Variants in DCTN6 observed in about 807,000 individuals in gnomAD.
DCTN6 encodes the protein dynactin subunit 6.
In DCTN6, 15 loss-of-function variants were observed where a neutral mutation model predicts 25.8. The ratio of observed to expected loss-of-function variants is 0.58; its 90% CI spans 0.39 to 0.89. DCTN6 has a LOEUF of 0.89. Ranked by LOEUF, DCTN6 falls within the 40% of genes least tolerant of loss-of-function variation. The pLI is 0.00. For synonymous variants in DCTN6, 64 were observed against 78.3 expected (o/e 0.82, Z 0.96); for missense variants, 198 against 237.6 (o/e 0.83, Z 1.09).
chr8:30,173,312 G>GTA (rs1428242113), intron 2 of DCTN6, among the ~76,000 whole-genome samples: 1 of 152,152 alleles, frequency 6.6e-6, no homozygotes, highest in Non-Finnish European at 1.5e-5. Context: ...GTGAATGAGT[G>GTA]TATATTAAGC....
At chr8:30,177,068 A>G in intron 3 of DCTN6, 58 bp from the exon 4 acceptor site, 1 of 1,407,900 alleles carries the variant, frequency 7.1e-7, no homozygotes, top group Non-Finnish European at 9.9e-7. Context: ...CGAAAATGGG[A>G]AGAAAATTGC....
intron 2 of DCTN6, among the ~76,000 whole-genome samples, chr8:30,172,337 A>G (rs1803774081): frequency 6.6e-6 from 1 of 152,206 alleles, no homozygotes; most frequent in Non-Finnish European, 1.5e-5. Flanking sequence ...ATTGCAGAAG[A>G]AGGTAATATT....
intron 1 of DCTN6, among the ~76,000 whole-genome samples, chr8:30,163,437 C>A (rs1214922971): frequency 6.6e-6 from 1 of 151,956 alleles, no homozygotes; most frequent in Non-Finnish European, 1.5e-5. Flanking sequence ...AAAATCTTGA[C>A]AAGAGATTAT....
At chr8:30,159,017 AG>A (rs1243494739) in intron 1 of DCTN6, among the ~76,000 whole-genome samples, 1 of 152,024 alleles carries the variant, frequency 6.6e-6, no homozygotes, top group East Asian at 1.9e-4. Flanking sequence ...CCTGACCTCA[AG>A]GAATCTGCCC....
chr8:30,165,455 A>AC (rs112907115), intron 2 of DCTN6, among the ~76,000 whole-genome samples: 1,915 of 150,458 alleles, frequency 0.013, 36 homozygotes, highest in East Asian at 0.05. Context: ...AAAAAAAAAA[A>AC]CCCTGTAACG....
rs1803752999 is a variant in DCTN6 at position 30,170,784 on chromosome 8, A to G, written c.89-4301A>G. Among the ~76,000 whole-genome samples the G allele has an allele frequency of 2.0e-5, 3 of 150,712 alleles. No homozygotes were observed. The South Asian group carries it at 6.3e-4, about 32-fold the overall frequency. On this transcript the variant is annotated intron_variant, in intron 2 of 6. Transcript: ENST00000221114. ...AGCCTCCCAATAGCTGGGATTACAG[A>G]TGCCCGCCATAATGCCCGGCTAATT...
intron 2 of DCTN6, among the ~76,000 whole-genome samples, chr8:30,166,987 A>G (rs1398626448): frequency 6.7e-6 from 1 of 150,072 alleles, no homozygotes; most frequent in Non-Finnish European, 1.5e-5. Context: ...GAAGGAAGGG[A>G]GGAAGGAAAG....
intron 2 of DCTN6, among the ~76,000 whole-genome samples, 159 bp downstream of exon 2, chr8:30,164,334 A>C (rs563583037): frequency 6.6e-6 from 1 of 152,206 alleles, no homozygotes; most frequent in Non-Finnish European, 1.5e-5. Flanking sequence ...TTTCTGAAAG[A>C]ATGTAGTGTG....
rs1803815009 is a variant in DCTN6 at position 30,175,203 on chromosome 8, T to C, written c.194+13T>C. On this transcript the variant is annotated intron_variant, in intron 3 of 6. Coordinates refer to ENST00000221114, the MANE Select transcript of DCTN6 (RefSeq NM_006571.4). ...TTATCATAAATGCGTAAGACTCTTA[T>C]ACATACTGTGAACCAAGTACCATGG... The C allele has an allele frequency of 3.7e-6, 6 of 1,607,726 alleles. No individual in the cohort carries two copies. The highest frequency in any genetic ancestry group is 1.7e-4 in the Middle Eastern group (1 of 6,048).
At chr8:30,160,926 T>C (rs1010992107) in intron 1 of DCTN6, among the ~76,000 whole-genome samples, 1 of 152,200 alleles carries the variant, frequency 6.6e-6, no homozygotes, top group Non-Finnish European at 1.5e-5. Flanking sequence ...CAGATTTTTA[T>C]TAAATGTGTT....
intron 4 of DCTN6, among the ~76,000 whole-genome samples, chr8:30,177,813 T>G (rs1243738841): frequency 6.6e-6 from 1 of 152,242 alleles, no homozygotes; most frequent in Non-Finnish European, 1.5e-5. Flanking sequence ...TCCCTTCTGT[T>G]CCTGTAAATA....
At chr8:30,172,910 TTTTG>T (rs1248962342) in intron 2 of DCTN6, among the ~76,000 whole-genome samples, 1 of 152,336 alleles carries the variant, frequency 6.6e-6, no homozygotes, top group African/African-American at 2.4e-5. Context: ...CATATATATT[TTTTG>T]TTTGTTTTAA....
chr8:30,156,521 AG>A (rs1167278747), intron 1 of DCTN6, 115 bp downstream of exon 1: 2 of 1,250,370 alleles, frequency 1.6e-6, no homozygotes, highest in Non-Finnish European at 2.3e-6. Flanking sequence ...TTCGGGCCGA[AG>A]GTACCTGAAG....
chr8:30,181,019 C>T (rs1458147047), intron 6 of DCTN6: 3 of 246,728 alleles, frequency 1.2e-5, no homozygotes, highest in Non-Finnish European at 1.5e-5. Flanking sequence ...GAGACCCCAA[C>T]TCAAAAAATA....
intron 1 of DCTN6, among the ~76,000 whole-genome samples, chr8:30,158,153 T>G (rs1005463803): frequency 6.6e-6 from 1 of 152,140 alleles, no homozygotes; most frequent in Non-Finnish European, 1.5e-5. Context: ...CTGGGATCTC[T>G]CCCTTGGGCG....
intron 1 of DCTN6, among the ~76,000 whole-genome samples, chr8:30,161,227 C>T (rs963565087): frequency 1.3e-5 from 2 of 152,126 alleles, no homozygotes; most frequent in African/African-American, 2.4e-5. Flanking sequence ...CTTTACCTTC[C>T]GCCATGATTG....
At chr8:30,176,307 A>G (rs1267883015) in intron 3 of DCTN6, among the ~76,000 whole-genome samples, 1 of 152,112 alleles carries the variant, frequency 6.6e-6, no homozygotes, top group African/African-American at 2.4e-5. Context: ...AGGCGGGCAG[A>G]TCACGAGGTC....
intron 1 of DCTN6, among the ~76,000 whole-genome samples, chr8:30,163,651 A>G (rs1803625545): frequency 6.6e-6 from 1 of 151,906 alleles, no homozygotes; most frequent in Non-Finnish European, 1.5e-5. Context: ...AAAAATTTAT[A>G]ATGTATTAAA....
chr8:30,182,739 C>T (rs1803925990), intron 6 of DCTN6, among the ~76,000 whole-genome samples: 1 of 150,854 alleles, frequency 6.6e-6, no homozygotes, highest in Non-Finnish European at 1.5e-5. Flanking sequence ...GTCACCCAGG[C>T]TGGAGTGCAG....
Sources: allele counts gnomAD v4.1 joint callset (sites outside exome capture counted in the v4.1 genomes callset), GRCh38; gene constraint gnomAD v4.1.1; transcripts MANE v1.5; gene names NCBI Gene and HGNC (gene_info 2026-07-23, HGNC 2026-07-21).